The following IQCH variants were observed in gnomAD, a reference collection of about 807,000 sequenced individuals.
IQCH encodes the protein IQ domain-containing protein H.
Under a neutral mutation model 117.0 loss-of-function variants are expected in IQCH, and 98 were observed. The ratio of observed to expected loss-of-function variants is 0.84; its 90% CI spans 0.71 to 0.99. IQCH has a LOEUF of 0.99. IQCH is among the 50% of genes least tolerant of loss of function. The pLI is 0.00. For synonymous variants in IQCH, 412 were observed against 448.2 expected (o/e 0.92, Z 1.02); for missense variants, 1,102 against 1,243.8 (o/e 0.89, Z 1.72).
chr15:67,286,342 A>T (rs1966560927), intron 4 of IQCH, among the ~76,000 whole-genome samples: 1 of 152,094 alleles, frequency 6.6e-6, no homozygotes, highest in Non-Finnish European at 1.5e-5. Context: ...TGGAGTCTTT[A>T]GGTTTTTCCA....
intron 4 of IQCH, among the ~76,000 whole-genome samples, chr15:67,298,053 T>G (rs912632839): frequency 2.0e-5 from 3 of 152,042 alleles, no homozygotes; most frequent in Middle Eastern, 3.2e-3. Flanking sequence ...TCACACCTGT[T>G]ATCCCAGCAC....
At chr15:67,352,337 T>G (rs1969698457) in intron 6 of IQCH, among the ~76,000 whole-genome samples, 1 of 152,162 alleles carries the variant, frequency 6.6e-6, no homozygotes, top group Non-Finnish European at 1.5e-5. Flanking sequence ...GACATTATTG[T>G]TAATGTTTTT....
intron 3 of IQCH, among the ~76,000 whole-genome samples, chr15:67,265,541 A>G (rs1596059416): frequency 6.6e-6 from 1 of 152,218 alleles, no homozygotes; most frequent in African/African-American, 2.4e-5. Context: ...CAGAAATGAA[A>G]TGAGATGGGA....
chr15:67,282,236 T>A (rs985246397), intron 4 of IQCH: 2 of 152,660 alleles, frequency 1.3e-5, no homozygotes, highest in Middle Eastern at 3.4e-3. Context: ...TCTCAGAAGG[T>A]CCATAGTTGG....
rs967480462 is a variant in IQCH, at chr15:67,401,521, G to A, written c.2097+1216G>A. Reference sequence around the variant, plus strand: ...GCGTCTGCTTTGAGCATCCCGCTACGGAAGTATATGAATCAAGACACAAGT... The same window carrying A: ...GCGTCTGCTTTGAGCATCCCGCTACAGAAGTATATGAATCAAGACACAAGT... On this transcript the variant is annotated intron_variant, in intron 14 of 20. Transcript: ENST00000335894. This position sits in a 1 kb window ranked among gnomAD's most constrained non-coding sequence, Gnocchi z 4.7. Among the ~76,000 whole-genome samples, 5 of 150,582 alleles carry A rather than the reference G, an allele frequency of 3.3e-5. No homozygotes were observed. The highest frequency in any genetic ancestry group is 4.8e-5 in the African/African-American group (2 of 41,344).
rs1970506582 is a variant in IQCH, at chr15:67,370,956, A to C, written c.754-1155A>C. 8.3e-6 allele frequency among the ~76,000 whole-genome samples: 1 copy of C among 120,716 alleles called. No individual in the cohort carries two copies. The allele number at this position is 120,716 out of a possible 152,430, so 79.2% of individuals were successfully genotyped here. A position where few individuals can be genotyped will look rare whatever the true frequency, so the allele number is the denominator to read the frequency against. The stretch of plus-strand genomic sequence containing the variant: ...TGCTGTGGCGTAATCATTATGGATA[A>C]ATTGCTGGGGGGGGTTTTCTTTGAG... On this transcript the variant is annotated intron_variant, in intron 8 of 20. Coordinates refer to ENST00000335894, the MANE Select transcript of IQCH (RefSeq NM_001031715.3). The surrounding 1 kb of genome is among the most constrained non-coding windows in gnomAD (Gnocchi z 5.6).
In IQCH at chr15:67,406,449, G is replaced by A. The variant is rs1158616015; in HGVS notation, c.2097+6144G>A. On this transcript the variant is annotated intron_variant, in intron 14 of 20. Transcript: ENST00000335894. The surrounding 1 kb of genome is among the most constrained non-coding windows in gnomAD (Gnocchi z 4.5). Reference sequence around the variant, plus strand: ...AAGAAAGAGGATCACTCGAGCCCAGGAGTTTGAGGCTGCAATGAGTCATGA... The same window carrying A: ...AAGAAAGAGGATCACTCGAGCCCAGAAGTTTGAGGCTGCAATGAGTCATGA... 4 of 152,124 alleles carry A rather than the reference G, an allele frequency of 2.6e-5. No individual in the cohort carries two copies. Among genetic ancestry groups the A allele is most frequent in the African/African-American group, 9.7e-5 (4 of 41,396 alleles). 9.4% of individuals were successfully genotyped at this position (152,124 alleles called of 1,614,324 possible).
Position 67,393,659 on chromosome 15 carries a change from A to G in IQCH, c.1633-1632A>G, listed in dbSNP as rs1971361609. Among the ~76,000 whole-genome samples the G allele has an allele frequency of 6.6e-6, 1 of 151,962 alleles. No homozygotes were observed. Among genetic ancestry groups the G allele is most frequent in the Non-Finnish European group, 1.5e-5 (1 of 67,986 alleles). ...CCTCAGGCTTTTAGTAGCTGGGACCACAGGTGTGTACCACCACATACCTGG... is the reference window on the plus strand; with the variant it reads ...CCTCAGGCTTTTAGTAGCTGGGACCGCAGGTGTGTACCACCACATACCTGG... On this transcript the variant is annotated intron_variant, in intron 12 of 20. Transcript: ENST00000335894. The surrounding 1 kb of genome is among the most constrained non-coding windows in gnomAD (Gnocchi z 5.5).
intron 17 of IQCH, among the ~76,000 whole-genome samples, chr15:67,468,298 T>C (rs2082983679): frequency 6.6e-6 from 1 of 152,218 alleles, no homozygotes; most frequent in Admixed American, 6.5e-5. Flanking sequence ...ACATGATCTG[T>C]AATGAATGAT....
intron 5 of IQCH, among the ~76,000 whole-genome samples, chr15:67,339,212 A>T (rs1300116944): frequency 6.6e-6 from 1 of 152,182 alleles, no homozygotes; most frequent in African/African-American, 2.4e-5. Context: ...TCAACAGGAA[A>T]GTAAGGGTGG....
intron 17 of IQCH, among the ~76,000 whole-genome samples, chr15:67,471,779 C>G (rs1360767793): frequency 2.0e-5 from 3 of 152,214 alleles, no homozygotes; most frequent in Admixed American, 6.5e-5. Flanking sequence ...ATGCTATTCA[C>G]TTGTGCTATC....
At position 67,426,840 on chromosome 15, in the gene IQCH, GC is replaced by G. The variant is rs1283989918; in HGVS notation, c.2505+5265del. Among the ~76,000 whole-genome samples the G allele has an allele frequency of 4.2e-4, 64 of 152,018 alleles. 1 individual carries two copies. The highest frequency in any genetic ancestry group is 3.4e-3 in the Admixed American group (52 of 15,250). On this transcript the variant is annotated intron_variant, in intron 16 of 20. Transcript: ENST00000335894. The surrounding 1 kb of genome is among the most constrained non-coding windows in gnomAD (Gnocchi z 5.1). ...AAAATTTTTAAAATAAACAAAATTA[GC>G]CAAGCATAATGGCACTCATCTGTGA...
At chr15:67,265,777 T>C (rs1965645197) in intron 3 of IQCH, among the ~76,000 whole-genome samples, 1 of 152,216 alleles carries the variant, frequency 6.6e-6, no homozygotes, top group African/African-American at 2.4e-5. Flanking sequence ...ATGAATAGAC[T>C]TGGCTTCAGA....
intron 6 of IQCH, among the ~76,000 whole-genome samples, chr15:67,350,729 A>C (rs1015143886): frequency 1.3e-5 from 2 of 152,106 alleles, no homozygotes; most frequent in Non-Finnish European, 2.9e-5. Context: ...CCTAGCCTGG[A>C]ATTATTTTAT....
intron 6 of IQCH, among the ~76,000 whole-genome samples, chr15:67,349,741 A>G (rs1194557132): frequency 6.6e-6 from 1 of 152,234 alleles, no homozygotes; most frequent in African/African-American, 2.4e-5. Context: ...AAACAACCCA[A>G]TAACATAACA....
At position 67,404,194 on chromosome 15, in the gene IQCH, C is replaced by T; in HGVS notation, c.2097+3889C>T. ...AGACATTTGATATTAATTTGGGGAT[C>T]ACAAAGGTAGGAGAAGAACTATGCC... On this transcript the variant is annotated intron_variant, in intron 14 of 20. Transcript: ENST00000335894. This position sits in a 1 kb window ranked among gnomAD's most constrained non-coding sequence, Gnocchi z 4.6. 1 of 152,164 alleles carries T rather than the reference C, an allele frequency of 6.6e-6. No homozygotes were observed. Among genetic ancestry groups the T allele is most frequent in the South Asian group, 2.1e-4 (1 of 4,816 alleles). 9.4% of individuals were successfully genotyped at this position (152,164 alleles called of 1,614,324 possible).
chr15:67,275,970 A>G (rs1966105449), intron 3 of IQCH, among the ~76,000 whole-genome samples: 1 of 152,222 alleles, frequency 6.6e-6, no homozygotes, highest in African/African-American at 2.4e-5. Flanking sequence ...CTGTATAAGT[A>G]TGTTCATTTT....
Position 67,359,088 on chromosome 15 carries a change from C to T in IQCH, c.715-759C>T, listed in dbSNP as rs2140743718. ...AGCTGTTTAACAGGCTGTGAGAAGG[C>T]CATGGGCTAATATGCATAATAGGAA... is the stretch of plus-strand genomic sequence containing the variant. On this transcript the variant is annotated intron_variant, in intron 7 of 20. Transcript: ENST00000335894. This position sits in a 1 kb window ranked among gnomAD's most constrained non-coding sequence, Gnocchi z 4.5. 6.6e-6 allele frequency among the ~76,000 whole-genome samples: 1 copy of T among 152,280 alleles called. No individual in the cohort carries two copies. The highest frequency in any genetic ancestry group is 6.5e-5 in the Admixed American group (1 of 15,290).
At chr15:67,449,167 T>G (rs1453288913) in intron 16 of IQCH, among the ~76,000 whole-genome samples, 1 of 152,082 alleles carries the variant, frequency 6.6e-6, no homozygotes, top group Non-Finnish European at 1.5e-5. Flanking sequence ...TCTCCCATTC[T>G]GTAGGTTGCC....
Sources: gnomAD v4.1 joint callset for allele counts (sites outside exome capture counted in the v4.1 genomes callset) on GRCh38, gnomAD v4.1.1 for gene constraint, Gnocchi (gnomAD v3.1) non-coding constraint, MANE v1.5 for transcripts, NCBI Gene and HGNC (gene_info 2026-07-23, HGNC 2026-07-21) for gene names.